SNTG1: variants seen among roughly 807,000 people sequenced by gnomAD.
SNTG1 encodes the protein syntrophin gamma 1.
A neutral mutation model predicts 74.7 loss-of-function variants in SNTG1; 39 were observed. That is an observed-to-expected ratio of 0.52 (90% CI 0.40 to 0.68). The LOEUF is 0.68. SNTG1 is among the 30% of genes least tolerant of loss of function. The pLI, the probability that SNTG1 is intolerant of heterozygous loss-of-function variation, is 0.00. For missense variants in SNTG1, 685 were observed against 609.5 expected (o/e 1.12, Z -1.30); for synonymous variants, 254 against 217.1 (o/e 1.17, Z -1.49).
rs553054896 is a variant in SNTG1 at position 50,579,604 on chromosome 8, C to T, written c.811-11275C>T. Among the ~76,000 whole-genome samples, 49 of 152,144 alleles carry T rather than the reference C, an allele frequency of 3.2e-4. 1 individual carries two copies. The South Asian group carries it at 8.1e-3, about 25-fold the overall frequency. On this transcript the variant is annotated intron_variant, in intron 12 of 18. Coordinates refer to ENST00000642720, the MANE Select transcript of SNTG1 (RefSeq NM_018967.5). Reference sequence around the variant, plus strand: ...ATCCCTGGGGCATGGTGCCCTGCATCGCAGCTGCTCTGGCTATGGCTAAAA... The same window carrying T: ...ATCCCTGGGGCATGGTGCCCTGCATTGCAGCTGCTCTGGCTATGGCTAAAA...
chr8:50,279,795 G>T (rs865912098), intron 2 of SNTG1, among the ~76,000 whole-genome samples: 21 of 152,196 alleles, frequency 1.4e-4, no homozygotes, highest in African/African-American at 5.1e-4. Context: ...AAGAAAGAAG[G>T]GTATGAGGAA....
chr8:50,489,925 C>A (rs2093836208), intron 8 of SNTG1, among the ~76,000 whole-genome samples: 2 of 152,136 alleles, frequency 1.3e-5, no homozygotes, highest in Admixed American at 6.6e-5. Flanking sequence ...AGACTTTAAT[C>A]CATCTTGAGT....
intron 2 of SNTG1, among the ~76,000 whole-genome samples, chr8:50,360,311 G>T (rs1368003255): frequency 6.6e-6 from 1 of 152,104 alleles, no homozygotes; most frequent in Non-Finnish European, 1.5e-5. Flanking sequence ...CATGTGGATT[G>T]CTCAGCATGT....
rs568132842 is a variant in SNTG1 at position 49,928,497 on chromosome 8, C to T, written c.-103+16266C>T. ...CCTCCCACCTGGGCCTCCCAAAGTG[C>T]TGGGATTATAAGTGTGAGCCACCGC... On this transcript the variant is annotated intron_variant, in intron 1 of 18. Coordinates refer to ENST00000642720, the MANE Select transcript of SNTG1 (RefSeq NM_018967.5). Among the ~76,000 whole-genome samples the T allele has an allele frequency of 1.3e-3, 202 of 152,114 alleles. 4 individuals carry two copies. The Middle Eastern group carries it at 0.017, about 13-fold the overall frequency.
intron 1 of SNTG1, among the ~76,000 whole-genome samples, chr8:49,983,295 G>C (rs1812849311): frequency 6.6e-6 from 1 of 152,108 alleles, no homozygotes; most frequent in Non-Finnish European, 1.5e-5. Flanking sequence ...TAAAAGTTTA[G>C]AGAATTTGAA....
intron 2 of SNTG1, among the ~76,000 whole-genome samples, chr8:50,276,834 CT>C (rs2088140070): frequency 6.6e-6 from 1 of 151,884 alleles, no homozygotes; most frequent in Middle Eastern, 3.4e-3. Context: ...GTGGTGCATT[CT>C]TTTTTTCTTT....
At chr8:50,297,126 G>A (rs558115234) in intron 2 of SNTG1, among the ~76,000 whole-genome samples, 1 of 152,190 alleles carries the variant, frequency 6.6e-6, no homozygotes, top group African/African-American at 2.4e-5. Context: ...TTTTCGAATG[G>A]GAAACATTTG....
intron 2 of SNTG1, among the ~76,000 whole-genome samples, chr8:50,381,558 ATGTGTGTGTGTGTGTG>A (rs372674229): frequency 2.8e-5 from 3 of 108,598 alleles, no homozygotes; most frequent in South Asian, 6.1e-4. Flanking sequence ...CTAATAGGAT[ATGTGTGTGTGTGTGTG>A]TGTGTGTGTG....
At chr8:50,577,821 A>G (rs1326991320) in intron 12 of SNTG1, among the ~76,000 whole-genome samples, 2 of 152,310 alleles carry the variant, frequency 1.3e-5, no homozygotes, top group Admixed American at 1.3e-4. Flanking sequence ...TTCTTTAACA[A>G]ACTACAAGAT....
intron 15 of SNTG1, among the ~76,000 whole-genome samples, chr8:50,662,311 G>A (rs1397848391): frequency 6.6e-6 from 1 of 152,194 alleles, no homozygotes; most frequent in Non-Finnish European, 1.5e-5. Context: ...GGAAAATCCT[G>A]TCCCTTCTGA....
At chr8:50,224,732 T>C (rs776906840) in intron 2 of SNTG1, among the ~76,000 whole-genome samples, 6 of 152,150 alleles carry the variant, frequency 3.9e-5, no homozygotes, top group South Asian at 4.1e-4. Flanking sequence ...AATCCAGGCA[T>C]AGCTGACCAG....
intron 2 of SNTG1, among the ~76,000 whole-genome samples, chr8:50,332,955 C>G (rs920502181): frequency 6.6e-6 from 1 of 152,188 alleles, no homozygotes; most frequent in Non-Finnish European, 1.5e-5. Flanking sequence ...TTTGTTCTCA[C>G]ATTGTGAGTA....
At chr8:49,958,557 A>G (rs1326370759) in intron 1 of SNTG1, among the ~76,000 whole-genome samples, 2 of 151,884 alleles carry the variant, frequency 1.3e-5, no homozygotes, top group African/African-American at 4.8e-5. Flanking sequence ...AGTAGCTGGG[A>G]CTACAGGCGC....
In SNTG1 at chr8:50,356,669, T is replaced by C. The variant is rs541529972; in HGVS notation, c.-27-37543T>C. Among the ~76,000 whole-genome samples, 9 of 152,202 alleles carry C rather than the reference T, an allele frequency of 5.9e-5. No homozygotes were observed. In the South Asian group the frequency reaches 1.7e-3, roughly 28 times the overall value. ...ATCTCTCTTTTTCAAGTCCTTTTTT[T>C]AAGGGCCTCTAATCCCATTCATGAA... On this transcript the variant is annotated intron_variant, in intron 2 of 18. Coordinates refer to ENST00000642720, the MANE Select transcript of SNTG1 (RefSeq NM_018967.5).
rs1802799349 is a variant in SNTG1 at position 50,796,109 on chromosome 8, CT to C, written c.*3283del. 6.6e-6 allele frequency: 1 copy of C among 151,986 alleles called. No homozygotes were observed. Among genetic ancestry groups the C allele is most frequent in the Non-Finnish European group, 1.5e-5 (1 of 67,952 alleles). 9.4% of individuals were successfully genotyped at this position (151,986 alleles called of 1,614,324 possible). On this transcript the variant is annotated 3_prime_UTR_variant, in exon 19 of 19. Transcript: ENST00000642720. ...TACAGTGCTGAAGCTTGATCATGAA[CT>C]TTGTCTATGTTGAATGCTGGATTTA...
At chr8:50,600,049 A>G (rs189132077) in intron 13 of SNTG1, among the ~76,000 whole-genome samples, 168 of 152,294 alleles carry the variant, frequency 1.1e-3, no homozygotes, top group African/African-American at 3.8e-3. Context: ...TACAGCATCA[A>G]TTGAAATGAT....
At chr8:50,287,128 A>G (rs2088831596) in intron 2 of SNTG1, among the ~76,000 whole-genome samples, 1 of 152,112 alleles carries the variant, frequency 6.6e-6, no homozygotes, top group Admixed American at 6.6e-5. Flanking sequence ...GTTCCCCTAG[A>G]GAACCATCCT....
intron 17 of SNTG1, among the ~76,000 whole-genome samples, chr8:50,725,464 A>G (rs781352403): frequency 4.1e-4 from 63 of 152,190 alleles, no homozygotes; most frequent in Non-Finnish European, 6.5e-4. Flanking sequence ...CCAAAATAAT[A>G]TAAAAGTAAT....
intron 15 of SNTG1, among the ~76,000 whole-genome samples, chr8:50,697,718 G>C (rs2095410048): frequency 6.6e-6 from 1 of 152,072 alleles, no homozygotes; most frequent in Non-Finnish European, 1.5e-5. Context: ...CCTTAATTCT[G>C]TTTAGGTAAT....
Sources: allele counts gnomAD v4.1 joint callset (sites outside exome capture counted in the v4.1 genomes callset), GRCh38; gene constraint gnomAD v4.1.1; transcripts MANE v1.5; gene names NCBI Gene and HGNC (gene_info 2026-07-23, HGNC 2026-07-21).